Variants in DYNC1I1 observed in about 807,000 individuals in gnomAD.
The protein encoded by DYNC1I1 is dynein cytoplasmic 1 intermediate chain 1, also known as cytoplasmic dynein 1 intermediate chain 1.
Under a neutral mutation model 86.6 loss-of-function variants are expected in DYNC1I1, and 43 were observed. The ratio of observed to expected loss-of-function variants is 0.50; its 90% confidence interval spans 0.39 to 0.64. The LOEUF (loss-of-function observed/expected upper bound fraction) is 0.64. Ranked by LOEUF, DYNC1I1 falls within the 30% of genes least tolerant of loss-of-function variation. The pLI is 0.00. For missense variants in DYNC1I1, 604 were observed against 788.8 expected (o/e 0.77, Z 2.81); for synonymous variants, 262 against 283.7 (o/e 0.92, Z 0.77).
intron 13 of DYNC1I1, 96 bp from the exon 14 acceptor site, chr7:96,039,181 A>T: frequency 7.4e-7 from 1 of 1,359,126 alleles, no homozygotes; most frequent in East Asian, 2.4e-5. Flanking sequence ...AATTATGGAG[A>T]TGCAGAGTTG....
chr7:96,049,929 A>C (rs1789347975), intron 14 of DYNC1I1, among the ~76,000 whole-genome samples: 1 of 151,842 alleles, frequency 6.6e-6, no homozygotes, highest in African/African-American at 2.4e-5. Flanking sequence ...GCTACTCAGG[A>C]GGCTGAGGCA....
chr7:96,046,704 C>T (rs1398290646), intron 14 of DYNC1I1, among the ~76,000 whole-genome samples: 3 of 152,172 alleles, frequency 2.0e-5, no homozygotes, highest in African/African-American at 4.8e-5. Context: ...GAGGAGAACA[C>T]CAATCTGAGA....
intron 5 of DYNC1I1, among the ~76,000 whole-genome samples, chr7:95,869,168 A>T (rs13238101): frequency 6.6e-6 from 1 of 152,002 alleles, no homozygotes; most frequent in East Asian, 1.9e-4. Context: ...TAGAGGTGTC[A>T]TAAAGGCACG....
intron 10 of DYNC1I1, among the ~76,000 whole-genome samples, chr7:96,006,371 C>T (rs149585020): frequency 6.6e-6 from 1 of 152,270 alleles, no homozygotes; most frequent in East Asian, 1.9e-4. Context: ...AAAACCCCAC[C>T]TGAGCCTTTC....
chr7:95,840,230 A>C (rs1789243272), intron 5 of DYNC1I1, among the ~76,000 whole-genome samples: 1 of 151,878 alleles, frequency 6.6e-6, no homozygotes, highest in African/African-American at 2.4e-5. Flanking sequence ...GTTACCCTGT[A>C]ATTCTCTTAA....
chr7:96,095,418 G>A (rs1488305979), intron 16 of DYNC1I1, among the ~76,000 whole-genome samples: 1 of 152,020 alleles, frequency 6.6e-6, no homozygotes, highest in African/African-American at 2.4e-5. Context: ...AGGTCATCAT[G>A]TATTAACTTA....
At chr7:96,075,942 C>T (rs1182633040) in intron 14 of DYNC1I1, 115 bp from the exon 15 acceptor site, 2 of 1,405,560 alleles carry the variant, frequency 1.4e-6, no homozygotes, top group Non-Finnish European at 9.6e-7. Context: ...CGAGGACTTT[C>T]ATCTCGGGAA....
chr7:95,885,848 A>AT, intron 6 of DYNC1I1, among the ~76,000 whole-genome samples: 1 of 152,160 alleles, frequency 6.6e-6, no homozygotes, highest in Non-Finnish European at 1.5e-5. Context: ...CAAAAATGTC[A>AT]TTATCAGAAA....
At chr7:95,850,631 A>G (rs986337146) in intron 5 of DYNC1I1, among the ~76,000 whole-genome samples, 2 of 152,150 alleles carry the variant, frequency 1.3e-5, no homozygotes, top group Admixed American at 1.3e-4. Flanking sequence ...TGCCTTTTCC[A>G]TCTTAACTAA....
chr7:96,055,692 A>G (rs372910267), intron 14 of DYNC1I1: 1 of 152,210 alleles, frequency 6.6e-6, no homozygotes, highest in African/African-American at 2.4e-5. Context: ...TTGTGAAACA[A>G]GGTAAAGAAA....
At chr7:95,957,929 C>G (rs1242027648) in intron 6 of DYNC1I1, among the ~76,000 whole-genome samples, 1 of 152,124 alleles carries the variant, frequency 6.6e-6, no homozygotes, top group African/African-American at 2.4e-5. Context: ...TTATCCAGCT[C>G]GTCACAATTG....
intron 6 of DYNC1I1, among the ~76,000 whole-genome samples, chr7:95,951,113 GACAGCACCAGTTCCAGAA>G (rs1351836631): frequency 6.6e-6 from 1 of 152,196 alleles, no homozygotes; most frequent in East Asian, 1.9e-4. Flanking sequence ...CTCCTCAGCA[GACAGCACCAGTTCCAGAA>G]GTTGTGTGAT....
At chr7:95,914,979 A>G (rs1392148470) in intron 6 of DYNC1I1, among the ~76,000 whole-genome samples, 1 of 152,196 alleles carries the variant, frequency 6.6e-6, no homozygotes, top group Non-Finnish European at 1.5e-5. Context: ...TAAAGCAAAA[A>G]TCTGGTGGCA....
chr7:95,859,291 TTGTC>T (rs1255253151), intron 5 of DYNC1I1, among the ~76,000 whole-genome samples: 2 of 152,128 alleles, frequency 1.3e-5, no homozygotes, highest in East Asian at 1.9e-4. Context: ...TTTGAATTCT[TTGTC>T]AGGCAGTTCA....
chr7:95,984,459 T>C (rs1793532951), intron 7 of DYNC1I1, among the ~76,000 whole-genome samples: 2 of 152,290 alleles, frequency 1.3e-5, no homozygotes, highest in South Asian at 4.1e-4. Flanking sequence ...CATATATAAA[T>C]ACATAGTTTT....
chr7:95,858,814 A>T (rs996223886), intron 5 of DYNC1I1, among the ~76,000 whole-genome samples: 4 of 150,680 alleles, frequency 2.7e-5, no homozygotes, highest in African/African-American at 9.7e-5. Flanking sequence ...CCTGAGACTC[A>T]AAATTTACCC....
In DYNC1I1 at chr7:96,080,398, C is replaced by T. The variant is rs145003989; in HGVS notation, c.1686C>T (p.Ser562=). The part of the protein sequence containing the change: ...PTASVAIEGA[S]ALNRVRWAQA... Reference sequence around the variant, plus strand: ...CAAGTGTGGCCATTGAGGGGGCATCCGCCCTAAACCGTGTTCGTTGGGCCC... The same window carrying T: ...CAAGTGTGGCCATTGAGGGGGCATCTGCCCTAAACCGTGTTCGTTGGGCCC... The change falls in exon 16 of 17, where the codon TCC becomes TCT. Residue 562 remains serine, a synonymous_variant. Coordinates refer to ENST00000447467, the MANE Select transcript of DYNC1I1 (RefSeq NM_001135556.2). 3.7e-5 allele frequency: 59 copies of T among 1,612,254 alleles called. No homozygotes were observed. Among genetic ancestry groups the T allele is most frequent in the Non-Finnish European group, 4.5e-5 (53 of 1,179,276 alleles).
At chr7:95,951,055 A>G (rs1792539351) in intron 6 of DYNC1I1, among the ~76,000 whole-genome samples, 1 of 152,244 alleles carries the variant, frequency 6.6e-6, no homozygotes, top group Non-Finnish European at 1.5e-5. Flanking sequence ...GTCAATGATT[A>G]TACCATTAAA....
At chr7:96,025,041 C>T (rs1191613290) in intron 10 of DYNC1I1, among the ~76,000 whole-genome samples, 2 of 152,044 alleles carry the variant, frequency 1.3e-5, no homozygotes, top group Non-Finnish European at 2.9e-5. Context: ...TATATCTATA[C>T]ACATATATTC....
Sources: allele counts gnomAD v4.1 joint callset (sites outside exome capture counted in the v4.1 genomes callset), GRCh38; gene constraint gnomAD v4.1.1; transcripts MANE v1.5; gene names NCBI Gene and HGNC (gene_info 2026-07-23, HGNC 2026-07-21).